AFF2: variants seen among roughly 807,000 people sequenced by gnomAD.
AFF2 encodes AF4/FMR2 family member 2.
Under a neutral mutation model 76.9 loss-of-function variants are expected in AFF2, and 14 were observed. That is an observed-to-expected ratio of 0.18 (90% CI 0.12 to 0.28). The LOEUF (loss-of-function observed/expected upper bound fraction) is 0.28. Ranked by LOEUF, AFF2 falls within the 10% of genes least tolerant of loss-of-function variation. AFF2 has a pLI of 1.00. For synonymous variants in AFF2, 398 were observed against 366.7 expected, an observed-to-expected ratio of 1.09 and a Z score of -0.98; for missense variants, 868 against 1,001.1, an observed-to-expected ratio of 0.87 and a Z score of 1.79.
chrX:148,501,110 G>C lies in AFF2; in HGVS notation c.13G>C (p.Asp5His). The C allele has an allele frequency of 8.3e-7, 1 of 1,210,726 alleles. No individual in the cohort carries two copies. The highest frequency in any genetic ancestry group is 1.1e-6 in the Non-Finnish European group (1 of 894,871). MDLF[D>H]FFRDWDLEQQ... is the part of the protein sequence containing the mutation. ...CCGCCTGGCCGCTATGGATCTATTCGACTTTTTCAGAGACTGGGACTTGGA... is the reference window on the plus strand; with the variant it reads ...CCGCCTGGCCGCTATGGATCTATTCCACTTTTTCAGAGACTGGGACTTGGA... Residue 5 changes from aspartate (D) to histidine (H), a missense_variant, in exon 1 of 21, where the codon GAC becomes CAC. Coordinates refer to ENST00000370460, the MANE Select transcript of AFF2 (RefSeq NM_002025.4).
At position 148,967,803 on chromosome X, in the gene AFF2, C is replaced by T. The variant is rs2072199723; in HGVS notation, c.3267+111C>T. 3 of 604,587 alleles carry T rather than the reference C, an allele frequency of 5.0e-6. 1 individual carries two copies. In the South Asian group the frequency reaches 9.2e-5, roughly 18 times the overall value. 49.8% of individuals were successfully genotyped at this position (604,587 alleles called of 1,213,427 possible). On this transcript the variant is annotated intron_variant, in intron 15 of 20. Transcript: ENST00000370460. ...TTTCAGTATCACAGCCCACACCTGC[C>T]TGTCAACACATTGCTGCCCTGACAT...
chrX:148,542,598 G>C (rs1222898324), intron 1 of AFF2, among the ~76,000 whole-genome samples: 1 of 112,076 alleles, frequency 8.9e-6, no homozygotes, highest in South Asian at 3.7e-4. Context: ...CTGAGGCTTG[G>C]CTGGCTGCTG....
At chrX:148,581,129 G>GTA (rs2053367023) in intron 1 of AFF2, among the ~76,000 whole-genome samples, 1 of 37,540 alleles carries the variant, frequency 2.7e-5, no homozygotes, top group African/African-American at 7.6e-5. Context: ...ACACATATAC[G>GTA]TATACGTATA....
intron 5 of AFF2, among the ~76,000 whole-genome samples, chrX:148,839,894 GGTGTGTGTGTGTGTGTGTGTGTGT>G (rs200060298): frequency 6.9e-5 from 6 of 87,030 alleles, no homozygotes; most frequent in African/African-American, 2.4e-4. Flanking sequence ...GTTGGGGCAT[GGTGTGTGTGTGTGTGTGTGTGTGT>G]GTGTGTGTGT....
chrX:148,695,741 A>G (rs1038575914), intron 3 of AFF2, among the ~76,000 whole-genome samples: 2 of 112,511 alleles, frequency 1.8e-5, no homozygotes, highest in Admixed American at 1.9e-4. Context: ...GTGGTCTGTA[A>G]TAATGCTTTG....
chrX:148,916,338 G>A (rs374699581), intron 9 of AFF2, among the ~76,000 whole-genome samples: 1 of 104,891 alleles, frequency 9.5e-6, no homozygotes, highest in East Asian at 3.0e-4. Context: ...GCCTCCCGAG[G>A]AGCTGGGACT....
intron 1 of AFF2, among the ~76,000 whole-genome samples, chrX:148,527,982 T>C (rs2052684191): frequency 1.8e-5 from 2 of 112,078 alleles, no homozygotes; most frequent in Non-Finnish European, 3.8e-5. Flanking sequence ...TGACTCTTTT[T>C]AGCAGCTCTC....
chrX:148,558,214 G>T (rs1368274986), intron 1 of AFF2, among the ~76,000 whole-genome samples: 1 of 111,544 alleles, frequency 9.0e-6, no homozygotes, highest in Non-Finnish European at 1.9e-5. Flanking sequence ...GCCCTCACTT[G>T]GTTTTATTTG....
intron 7 of AFF2, among the ~76,000 whole-genome samples, chrX:148,857,345 A>C (rs181823907): frequency 8.9e-6 from 1 of 111,773 alleles, no homozygotes; most frequent in African/African-American, 3.2e-5. Flanking sequence ...CAATAGACGA[A>C]TCATTTTTTC....
At position 148,682,822 on chromosome X, in the gene AFF2, G is replaced by GT. The variant is rs1179548295; in HGVS notation, c.1041+20062dup. Among the ~76,000 whole-genome samples, 6 of 111,245 alleles carry GT rather than the reference G, an allele frequency of 5.4e-5. No homozygotes were observed. In the East Asian group the frequency reaches 8.4e-4, roughly 16 times the overall value. ...TTCCTAACTTGTATTATTTGGATGT[G>GT]TTTTTTTTCTTGTACTGAGAAATTC... is the stretch of plus-strand genomic sequence containing the variant. On this transcript the variant is annotated intron_variant, in intron 3 of 20. Coordinates refer to ENST00000370460, the MANE Select transcript of AFF2 (RefSeq NM_002025.4).
chrX:148,628,761 A>AC (rs2053952908), intron 1 of AFF2, among the ~76,000 whole-genome samples: 1 of 111,948 alleles, frequency 8.9e-6, no homozygotes, highest in African/African-American at 3.2e-5. Flanking sequence ...CAAGACTTTG[A>AC]CACCTTCTCC....
chrX:148,899,808 A>C (rs2071334925), intron 8 of AFF2, among the ~76,000 whole-genome samples: 1 of 111,377 alleles, frequency 9.0e-6, no homozygotes, highest in Non-Finnish European at 1.9e-5. Context: ...GGCCATCCAA[A>C]TGTTCACTTT....
chrX:148,725,981 G>A (rs1354290948), intron 3 of AFF2, among the ~76,000 whole-genome samples: 2 of 111,711 alleles, frequency 1.8e-5, no homozygotes, highest in African/African-American at 3.3e-5. Flanking sequence ...TCCATGTGGC[G>A]ATTGTTTAGG....
In AFF2 at chrX:148,614,000, A is replaced by G. The variant is rs2053760134; in HGVS notation, c.48-37999A>G. Among the ~76,000 whole-genome samples the G allele has an allele frequency of 2.7e-5, 3 of 112,208 alleles. No homozygotes were observed. The Admixed American group carries it at 2.8e-4, about 11-fold the overall frequency. ...TTAATAACAACTGTATATCCAGTTT[A>G]GGAAAAACTTGACATAAGAAAATCC... On this transcript the variant is annotated intron_variant, in intron 1 of 20. Transcript: ENST00000370460.
chrX:148,839,894 G>GGTGTGTGTGTGTGTGTGTGTGTGT (rs200060298), intron 5 of AFF2, among the ~76,000 whole-genome samples: 6 of 87,022 alleles, frequency 6.9e-5, no homozygotes, highest in African/African-American at 2.0e-4. Flanking sequence ...GTTGGGGCAT[G>GGTGTGTGTGTGTGTGTGTGTGTGT]GTGTGTGTGT....
intron 7 of AFF2, among the ~76,000 whole-genome samples, chrX:148,879,262 C>T (rs2071070045): frequency 9.0e-6 from 1 of 111,462 alleles, no homozygotes; most frequent in Non-Finnish European, 1.9e-5. Context: ...ATTCCCATTG[C>T]ATAGAAGAGA....
At chrX:148,718,699 A>AT (rs782651399) in intron 3 of AFF2, among the ~76,000 whole-genome samples, 17 of 110,822 alleles carry the variant, frequency 1.5e-4, no homozygotes, top group East Asian at 5.7e-4. Context: ...CATATTTATA[A>AT]TTTTTTTTTA....
chrX:148,900,910 G>T (rs2071347245), intron 8 of AFF2, among the ~76,000 whole-genome samples: 1 of 111,705 alleles, frequency 9.0e-6, no homozygotes, highest in African/African-American at 3.3e-5. Context: ...AACTACGTAG[G>T]TTTCATACCA....
intron 3 of AFF2, among the ~76,000 whole-genome samples, chrX:148,668,264 C>T (rs1226909521): frequency 8.8e-6 from 1 of 113,159 alleles, no homozygotes; most frequent in Non-Finnish European, 1.9e-5. Context: ...TAGCCCCCCT[C>T]CTGGCTGCTT....
Sources: allele counts gnomAD v4.1 joint callset (sites outside exome capture counted in the v4.1 genomes callset), GRCh38; gene constraint gnomAD v4.1.1; transcripts MANE v1.5; gene names NCBI Gene and HGNC (gene_info 2026-07-23, HGNC 2026-07-21).